MANBA: variants seen among roughly 807,000 people sequenced by gnomAD.
MANBA encodes the protein beta-mannosidase.
MANBA carries 83 observed loss-of-function variants against 111.1 expected under a neutral mutation model. The observed-to-expected ratio is 0.75, with a 90% CI of 0.63 to 0.90. The LOEUF (loss-of-function observed/expected upper bound fraction) is 0.90. MANBA is among the 40% of genes least tolerant of loss of function. The probability of loss-of-function intolerance (pLI) is 0.00; values close to 1 mark genes in which losing one functional copy is unlikely to be tolerated. For synonymous variants in MANBA, 370 were observed against 378.7 expected (o/e 0.98, Z 0.27); for missense variants, 1,036 against 1,069.0 (o/e 0.97, Z 0.43).
At position 102,643,056 on chromosome 4, in the gene MANBA, T is replaced by C. The variant is rs147061884; in HGVS notation, c.1870-3199A>G. Among the ~76,000 whole-genome samples, 670 of 152,254 alleles carry C rather than the reference T, an allele frequency of 4.4e-3. 1 individual carries two copies. The highest frequency in any genetic ancestry group is 0.015 in the African/African-American group (623 of 41,532). On this transcript the variant is annotated intron_variant, in intron 13 of 16. Coordinates refer to ENST00000647097, the MANE Select transcript of MANBA (RefSeq NM_005908.4). ...TTGCACAACTCTTTCCACTATCTAATTCCAGAATATTTTCATCACCCCAAA... is the reference window on the plus strand; with the variant it reads ...TTGCACAACTCTTTCCACTATCTAACTCCAGAATATTTTCATCACCCCAAA...
chr4:102,695,939 T>G (rs1166738053), intron 5 of MANBA, among the ~76,000 whole-genome samples: 1 of 152,070 alleles, frequency 6.6e-6, no homozygotes, highest in Admixed American at 6.6e-5. Context: ...AAAAGAATAC[T>G]GAAATGGGCA....
chr4:102,660,091 T>G (rs779719629), intron 11 of MANBA, among the ~76,000 whole-genome samples: 1 of 152,200 alleles, frequency 6.6e-6, no homozygotes, highest in Non-Finnish European at 1.5e-5. Context: ...CCACCTGTGT[T>G]GTCTTGCCAA....
chr4:102,691,386 CA>C (rs1258952889), intron 5 of MANBA, among the ~76,000 whole-genome samples: 6 of 151,680 alleles, frequency 4.0e-5, no homozygotes, highest in Non-Finnish European at 7.4e-5. Context: ...AGTCTATAGA[CA>C]AATTCAAAAG....
intron 1 of MANBA, among the ~76,000 whole-genome samples, chr4:102,735,231 G>A (rs1209268530): frequency 1.3e-5 from 2 of 152,194 alleles, no homozygotes; most frequent in African/African-American, 4.8e-5. Flanking sequence ...TCAGGTGCAA[G>A]GGATTTGGCT....
At chr4:102,699,610 G>T (rs1732916499) in intron 5 of MANBA, among the ~76,000 whole-genome samples, 1 of 150,938 alleles carries the variant, frequency 6.6e-6, no homozygotes, top group Admixed American at 6.6e-5. Flanking sequence ...CATCTATAGA[G>T]ATAATCATGT....
intron 12 of MANBA, among the ~76,000 whole-genome samples, chr4:102,652,184 C>T (rs1238398179): frequency 6.6e-6 from 1 of 152,120 alleles, no homozygotes; most frequent in Non-Finnish European, 1.5e-5. Flanking sequence ...TGCTATAGAA[C>T]ACCAGAACTT....
Position 102,635,020 on chromosome 4 carries a change from AGG to A in MANBA, c.2181_2182del (p.Leu728GlyfsTer9). ...AGTCACACGAGAGCACACGGGCTCC[AGG>A]GAGCTCCATGTATGGACTCTCACCT... On this transcript the variant is annotated frameshift_variant, in exon 16 of 17. Coordinates refer to ENST00000647097, the MANE Select transcript of MANBA (RefSeq NM_005908.4). LOFTEE classifies it high-confidence loss of function. The A allele has an allele frequency of 6.2e-7, 1 of 1,614,178 alleles. No individual in the cohort carries two copies. Among genetic ancestry groups the A allele is most frequent in the Non-Finnish European group, 8.5e-7 (1 of 1,179,988 alleles).
At chr4:102,640,635 A>T (rs143781373) in intron 13 of MANBA, among the ~76,000 whole-genome samples, 1 of 152,180 alleles carries the variant, frequency 6.6e-6, no homozygotes, top group Non-Finnish European at 1.5e-5. Context: ...AGGAGAACCC[A>T]GAGATGGTCA....
intron 11 of MANBA, among the ~76,000 whole-genome samples, chr4:102,661,575 T>C (rs1730956865): frequency 6.6e-6 from 1 of 152,242 alleles, no homozygotes; most frequent in Non-Finnish European, 1.5e-5. Context: ...GGCCAGTCAA[T>C]TGGCCTTGAT....
chr4:102,709,383 GAAGA>G (rs1191092702), intron 5 of MANBA, among the ~76,000 whole-genome samples: 14 of 123,556 alleles, frequency 1.1e-4, no homozygotes, highest in South Asian at 2.5e-4. Flanking sequence ...AGGAAGGAAG[GAAGA>G]AAGAAAGAAA....
In MANBA at chr4:102,714,432, G is replaced by T. The variant is rs201848589; in HGVS notation, c.673+6C>A. ...AAAGAAAAAAAAATCACATCTTTCAGCTTACCATATATTGGGGAAAATGTG... is the reference window on the plus strand; with the variant it reads ...AAAGAAAAAAAAATCACATCTTTCATCTTACCATATATTGGGGAAAATGTG... On this transcript the variant is annotated splice_donor_region_variant and intron_variant, in intron 5 of 16. Transcript: ENST00000647097. The T allele has an allele frequency of 2.1e-5, 33 of 1,603,284 alleles. No homozygotes were observed. The highest frequency in any genetic ancestry group is 2.6e-5 in the Non-Finnish European group (31 of 1,170,620).
chr4:102,734,277 G>C, intron 1 of MANBA: 7 of 1,381,338 alleles, frequency 5.1e-6, no homozygotes, highest in Non-Finnish European at 6.9e-6. Context: ...TACTCTTCCG[G>C]GGGAGAAGGG....
rs574659115 is a variant in MANBA at position 102,729,661 on chromosome 4, G to T, written c.178-2978C>A. ...TACTTGTTCTTGAAGTCCTCCACCAGCCCGGGCATGTTGCCAAGCTCCGCC... is the reference window on the plus strand; with the variant it reads ...TACTTGTTCTTGAAGTCCTCCACCATCCCGGGCATGTTGCCAAGCTCCGCC... On this transcript the variant is annotated intron_variant, in intron 1 of 16. Transcript: ENST00000647097. The T allele has an allele frequency of 6.1e-6, 9 of 1,480,256 alleles. No homozygotes were observed. In the East Asian group the frequency reaches 6.8e-5, roughly 11 times the overall value. The allele number at this position is 1,480,256 out of a possible 1,614,324, so 91.7% of individuals were successfully genotyped here. A position where few individuals can be genotyped will look rare whatever the true frequency, so the allele number is the denominator to read the frequency against.
chr4:102,669,051 T>A lies in MANBA; in HGVS notation c.1231-2A>T. 6.2e-7 allele frequency: 1 copy of A among 1,607,926 alleles called. No homozygotes were observed. Among genetic ancestry groups the A allele is most frequent in the Non-Finnish European group, 8.5e-7 (1 of 1,174,900 alleles). On this transcript the variant is annotated splice_acceptor_variant, in intron 9 of 16. Coordinates refer to ENST00000647097, the MANE Select transcript of MANBA (RefSeq NM_005908.4). LOFTEE classifies it high-confidence loss of function. ...GGCAAACATAAAATCCTGCCATACC[T>A]AGCAAATCAAATAAAAGGGAATGCA...
At chr4:102,684,642 C>T (rs756315944) in intron 7 of MANBA, among the ~76,000 whole-genome samples, 1 of 152,140 alleles carries the variant, frequency 6.6e-6, no homozygotes, top group Non-Finnish European at 1.5e-5. Context: ...AGCAGTCCCC[C>T]CTTATCTGCA....
chr4:102,721,179 C>T (rs2110192148), intron 4 of MANBA, among the ~76,000 whole-genome samples: 1 of 152,204 alleles, frequency 6.6e-6, no homozygotes, highest in East Asian at 1.9e-4. Context: ...AAAAAATTAG[C>T]CAAGTGTGGC....
rs186848194 is a variant in MANBA, at chr4:102,701,468, A to G, written c.674-10697T>C. 4.9e-3 allele frequency among the ~76,000 whole-genome samples: 743 copies of G among 152,196 alleles called. 6 individuals carry two copies. Among genetic ancestry groups the G allele is most frequent in the African/African-American group, 0.017 (717 of 41,496 alleles). On this transcript the variant is annotated intron_variant, in intron 5 of 16. Coordinates refer to ENST00000647097, the MANE Select transcript of MANBA (RefSeq NM_005908.4). The stretch of plus-strand genomic sequence containing the variant: ...TCTTCCTAGTCTCCATGGTCTTTAC[A>G]TTTTGGCATGATTTTGTAGCAGCTG...
At position 102,632,268 on chromosome 4, in the gene MANBA, T is replaced by A. The variant is rs1353497110; in HGVS notation, c.2429A>T (p.Gln810Leu). 2.5e-6 allele frequency: 4 copies of A among 1,607,794 alleles called. No homozygotes were observed. The African/African-American group carries it at 4.1e-5, about 17-fold the overall frequency. Residue 810 changes from glutamine to leucine, a missense_variant, in exon 17 of 17, where the codon CAG becomes CTG. Transcript: ENST00000647097. ...GTCAAAAACAAATATGTCACCTTGC[T>A]GAGAGATGATGGCCTGAAAAAGAAA... is the stretch of plus-strand genomic sequence containing the variant. The part of the protein sequence containing the change: ...CKAQITAIIS[Q>L]QGDIFVFDLE...
intron 1 of MANBA, among the ~76,000 whole-genome samples, chr4:102,757,538 C>T (rs551081739): frequency 1.3e-5 from 2 of 152,198 alleles, no homozygotes; most frequent in African/African-American, 2.4e-5. Context: ...GCACCTCCCC[C>T]TTCTGTCTCC....
Sources: allele counts gnomAD v4.1 joint callset (sites outside exome capture counted in the v4.1 genomes callset), GRCh38; gene constraint gnomAD v4.1.1; transcripts MANE v1.5; gene names NCBI Gene and HGNC (gene_info 2026-07-23, HGNC 2026-07-21).